The following GET3 variants were observed in gnomAD, a reference collection of about 807,000 sequenced individuals.
GET3 encodes the protein ATPase GET3.
A neutral mutation model predicts 32.4 loss-of-function variants in GET3; 15 were observed. The ratio of observed to expected loss-of-function variants is 0.46; its 90% CI spans 0.31 to 0.71. The LOEUF (loss-of-function observed/expected upper bound fraction) is 0.71, where lower values mean the gene tolerates loss of function less well. GET3 is among the 30% of genes least tolerant of loss of function. The pLI is 0.05. For missense variants in GET3, 333 were observed against 459.0 expected (o/e 0.73, Z 2.51); for synonymous variants, 198 against 185.6 (o/e 1.07, Z -0.54).
At chr19:12,743,973 T>TGCCTGCCTCG (rs1967721634) in intron 2 of GET3, among the ~76,000 whole-genome samples, 1 of 143,376 alleles carries the variant, frequency 7.0e-6, no homozygotes, top group African/African-American at 2.6e-5. Flanking sequence ...TCAGGTGATC[T>TGCCTGCCTCG]GCCTGCCTCG....
rs1482804311 is a variant in GET3 at position 12,745,224 on chromosome 19, G to C, written c.310-153G>C. Among the ~76,000 whole-genome samples the C allele has an allele frequency of 6.6e-6, 1 of 152,028 alleles. No individual in the cohort carries two copies. Among genetic ancestry groups the C allele is most frequent in the African/African-American group, 2.4e-5 (1 of 41,388 alleles). ...TAAGTACTACCTCAGGGTCCCCCCAGCCGTGACCTAATGAAATGCCTGTGG... is the reference window on the plus strand; with the variant it reads ...TAAGTACTACCTCAGGGTCCCCCCACCCGTGACCTAATGAAATGCCTGTGG... On this transcript the variant is annotated intron_variant, in intron 2 of 6. Transcript: ENST00000357332. The surrounding 1 kb of genome is among the most constrained non-coding windows in gnomAD (Gnocchi z 5.0).
At chr19:12,739,175 T>G (rs924359360) in intron 2 of GET3, among the ~76,000 whole-genome samples, 1 of 151,884 alleles carries the variant, frequency 6.6e-6, no homozygotes, top group Non-Finnish European at 1.5e-5. Flanking sequence ...TTGAGGTTTT[T>G]TTTTTTTTTA....
rs8177482 is a variant in GET3, at chr19:12,745,297, G to C, written c.310-80G>C. On this transcript the variant is annotated intron_variant, in intron 2 of 6. Transcript: ENST00000357332. The surrounding 1 kb of genome is among the most constrained non-coding windows in gnomAD (Gnocchi z 5.0). ...TCTGGCCCTGTGCCCGGGTAGGAAG[G>C]CTCCCCCTGGCCCTGTGCCCAGGTG... 2,004 of 1,536,748 alleles carry C rather than the reference G, an allele frequency of 1.3e-3. 22 individuals are homozygous for C. In the African/African-American group the frequency reaches 0.024, roughly 19 times the overall value.
At chr19:12,744,953 G>A (rs1333992693) in intron 2 of GET3, among the ~76,000 whole-genome samples, 1 of 152,230 alleles carries the variant, frequency 6.6e-6, no homozygotes, top group Admixed American at 6.5e-5. Context: ...AGGAAGGCAG[G>A]GCAGGGGTGT....
intron 2 of GET3, among the ~76,000 whole-genome samples, chr19:12,740,277 A>G (rs1967642694): frequency 6.6e-6 from 1 of 152,042 alleles, no homozygotes; most frequent in East Asian, 1.9e-4. Context: ...GCTGCTCAGG[A>G]GGCTGAGGCA....
rs371816418 is a variant in GET3 at position 12,747,364 on chromosome 19, G to A, written c.718-31G>A. On this transcript the variant is annotated intron_variant, in intron 5 of 6. Coordinates refer to ENST00000357332, the MANE Select transcript of GET3 (RefSeq NM_004317.4). This position sits in a 1 kb window ranked among gnomAD's most constrained non-coding sequence, Gnocchi z 4.0. ...GGGGCTGAGGACAGGGGCAGACCCC[G>A]CCCCTCACTGTCCTCTCTCGTGCCC... 34 of 1,612,756 alleles carry A rather than the reference G, an allele frequency of 2.1e-5. No individual in the cohort carries two copies. The highest frequency in any genetic ancestry group is 1.9e-4 in the African/African-American group (14 of 74,970).
chr19:12,745,436 C>T lies in GET3; in HGVS notation c.369C>T (p.Asn123=), dbSNP rs761997069. The change falls in exon 3 of 7, where the codon AAC becomes AAT. Residue 123 remains asparagine (N), a synonymous_variant. Coordinates refer to ENST00000357332, the MANE Select transcript of GET3 (RefSeq NM_004317.4). The surrounding 1 kb of genome is among the most constrained non-coding windows in gnomAD (Gnocchi z 5.0). ...CTGACGAGTTCTTCGAGGAGGACAA[C>T]ATGCTGAGCATGGGCAAGAAGATGA... ...ELPDEFFEED[N]MLSMGKKMMQ... is the part of the protein sequence containing the mutation. 6 of 1,612,960 alleles carry T rather than the reference C, an allele frequency of 3.7e-6. No homozygotes were observed. In the African/African-American group the frequency reaches 6.7e-5, roughly 18 times the overall value.
Position 12,747,067 on chromosome 19 carries a change from G to T in GET3, c.610-130G>T. 1 of 603,952 alleles carries T rather than the reference G, an allele frequency of 1.7e-6. No homozygotes were observed. Among genetic ancestry groups the T allele is most frequent in the South Asian group, 2.9e-5 (1 of 34,166 alleles). The allele number at this position is 603,952 out of a possible 1,614,324, so 37.4% of individuals were successfully genotyped here. Reference sequence around the variant, plus strand: ...AAAGCTAGTATTTGACCAACCCCAGGAATCTGCTTATGGGCCTGAGCCTTT... The same window carrying T: ...AAAGCTAGTATTTGACCAACCCCAGTAATCTGCTTATGGGCCTGAGCCTTT... On this transcript the variant is annotated intron_variant, in intron 4 of 6. Transcript: ENST00000357332. This position sits in a 1 kb window ranked among gnomAD's most constrained non-coding sequence, Gnocchi z 4.0.
At position 12,747,353 on chromosome 19, in the gene GET3, G is replaced by A. The variant is rs1967792108; in HGVS notation, c.718-42G>A. On this transcript the variant is annotated intron_variant, in intron 5 of 6. Transcript: ENST00000357332. This position sits in a 1 kb window ranked among gnomAD's most constrained non-coding sequence, Gnocchi z 4.0. ...TGAGAGGCCCGGGGGCTGAGGACAG[G>A]GGCAGACCCCGCCCCTCACTGTCCT... 1 of 1,612,362 alleles carries A rather than the reference G, an allele frequency of 6.2e-7. No homozygotes were observed. The highest frequency in any genetic ancestry group is 8.5e-7 in the Non-Finnish European group (1 of 1,178,638).
In GET3 at chr19:12,747,124, G is replaced by T. The variant is rs572797337; in HGVS notation, c.610-73G>T. ...TGGGAGGTATCAGGAGTCATCCCTC[G>T]GGTGTTTAGTGAACCCCCAACCCAG... On this transcript the variant is annotated intron_variant, in intron 4 of 6. Coordinates refer to ENST00000357332, the MANE Select transcript of GET3 (RefSeq NM_004317.4). This position sits in a 1 kb window ranked among gnomAD's most constrained non-coding sequence, Gnocchi z 4.0. 7.7e-7 allele frequency: 1 copy of T among 1,295,558 alleles called. No homozygotes were observed. The highest frequency in any genetic ancestry group is 1.1e-6 in the Non-Finnish European group (1 of 931,188). The allele number at this position is 1,295,558 out of a possible 1,614,324, so 80.3% of individuals were successfully genotyped here. A position where few individuals can be genotyped will look rare whatever the true frequency, so the allele number is the denominator to read the frequency against.
intron 4 of GET3, among the ~76,000 whole-genome samples, chr19:12,746,213 A>G (rs1967768535): frequency 1.3e-5 from 2 of 152,018 alleles, no homozygotes; most frequent in Admixed American, 6.6e-5. Flanking sequence ...GCTCATTGCA[A>G]CCTCCACCTC....
chr19:12,743,343 G>C (rs926659883), intron 2 of GET3, among the ~76,000 whole-genome samples: 1 of 152,046 alleles, frequency 6.6e-6, no homozygotes, highest in African/African-American at 2.4e-5. Context: ...TGGGGTGGTG[G>C]CGCATGCCTG....
intron 2 of GET3, among the ~76,000 whole-genome samples, chr19:12,739,190 C>T (rs1967623087): frequency 6.6e-6 from 1 of 150,838 alleles, no homozygotes; most frequent in African/African-American, 2.4e-5. Context: ...TTTTTAGACA[C>T]TCAAGACTCC....
At position 12,747,499 on chromosome 19, in the gene GET3, T is replaced by C. The variant is rs1251851441; in HGVS notation, c.822T>C (p.Asn274=). 1 of 1,613,802 alleles carries C rather than the reference T, an allele frequency of 6.2e-7. No homozygotes were observed. Among genetic ancestry groups the C allele is most frequent in the African/African-American group, 1.3e-5 (1 of 74,892 alleles). The change falls in exon 6 of 7, where the codon AAT becomes AAC. Residue 274 remains asparagine, a synonymous_variant. Coordinates refer to ENST00000357332, the MANE Select transcript of GET3 (RefSeq NM_004317.4). This position sits in a 1 kb window ranked among gnomAD's most constrained non-coding sequence, Gnocchi z 4.0. ...ELAKCKIDTH[N]IIVNQLVFPD... ...CCAAGTGCAAGATTGACACACACAA[T>C]ATAATTGTCAACCAGCTCGTCTTCC...
chr19:12,739,797 A>G (rs1303355949), intron 2 of GET3, among the ~76,000 whole-genome samples: 1 of 151,524 alleles, frequency 6.6e-6, no homozygotes, highest in Non-Finnish European at 1.5e-5. Flanking sequence ...TAATCCTAGC[A>G]CTTTGAGAAG....
At chr19:12,738,448 T>C in intron 1 of GET3, 63 bp from the exon 2 acceptor site, 2 of 1,596,076 alleles carry the variant, frequency 1.3e-6, no homozygotes, top group South Asian at 2.2e-5. Context: ...CCACTCCCCT[T>C]GCAGACCCAG....
chr19:12,747,009 CAAAAAAA>C lies in GET3; in HGVS notation c.610-178_610-172del, dbSNP rs764695800. Among the ~76,000 whole-genome samples the C allele has an allele frequency of 9.2e-6, 1 of 108,618 alleles. No individual in the cohort carries two copies. Among genetic ancestry groups the C allele is most frequent in the Admixed American group, 9.4e-5 (1 of 10,630 alleles). 71.3% of individuals were successfully genotyped at this position (108,618 alleles called of 152,430 possible). ...TGGGCAACAGAGTGAGACTCCATTT[CAAAAAAA>C]AAAAAAAAAGAAAGAAAGAAATGGA... On this transcript the variant is annotated intron_variant, in intron 4 of 6. Transcript: ENST00000357332. This position sits in a 1 kb window ranked among gnomAD's most constrained non-coding sequence, Gnocchi z 4.0.
In GET3 at chr19:12,747,486, T is replaced by C. The variant is rs1426317267; in HGVS notation, c.809T>C (p.Ile270Thr). 6.2e-6 allele frequency: 10 copies of C among 1,613,926 alleles called. No individual in the cohort carries two copies. Among genetic ancestry groups the C allele is most frequent in the Admixed American group, 1.7e-5 (1 of 59,984 alleles). The change falls in exon 6 of 7, where the codon ATT becomes ACT. Residue 270 changes from isoleucine to threonine, a missense_variant. Transcript: ENST00000357332. The surrounding 1 kb of genome is among the most constrained non-coding windows in gnomAD (Gnocchi z 4.0). The part of the protein sequence containing the change: ...RLIQELAKCK[I>T]DTHNIIVNQL... Reference sequence around the variant, plus strand: ...ATCCAGGAGCTGGCCAAGTGCAAGATTGACACACACAATATAATTGTCAAC... The same window carrying C: ...ATCCAGGAGCTGGCCAAGTGCAAGACTGACACACACAATATAATTGTCAAC...
chr19:12,743,157 G>A (rs1967700829), intron 2 of GET3, among the ~76,000 whole-genome samples: 1 of 152,232 alleles, frequency 6.6e-6, no homozygotes, highest in Non-Finnish European at 1.5e-5. Context: ...AAGTTACCAA[G>A]AAGAGGTGAC....
Sources: allele counts gnomAD v4.1 joint callset (sites outside exome capture counted in the v4.1 genomes callset), GRCh38; gene constraint gnomAD v4.1.1; non-coding constraint Gnocchi (gnomAD v3.1); transcripts MANE v1.5; gene names NCBI Gene and HGNC (gene_info 2026-07-23, HGNC 2026-07-21).